The following ICA1L variants were observed in gnomAD, a reference collection of about 807,000 sequenced individuals.
The protein encoded by ICA1L is islet cell autoantigen 1-like protein.
A neutral mutation model predicts 61.3 loss-of-function variants in ICA1L; 50 were observed. The observed-to-expected ratio is 0.82, with a 90% CI of 0.65 to 1.03. The LOEUF is 1.03. ICA1L is among the 50% of genes least tolerant of loss of function. ICA1L has a pLI of 0.00. For missense variants in ICA1L, 508 were observed against 556.7 expected, an observed-to-expected ratio of 0.91 and a Z score of 0.88; for synonymous variants, 161 against 191.3, an observed-to-expected ratio of 0.84 and a Z score of 1.31.
chr2:202,786,131 G>A, intron 11 of ICA1L, 124 bp from the exon 12 acceptor site: 1 of 537,948 alleles, frequency 1.9e-6, no homozygotes, highest in Non-Finnish European at 3.3e-6. Context: ...TCTATAAGAG[G>A]TATAAAATAC....
chr2:202,862,708 G>A (rs1694955049), intron 1 of ICA1L, among the ~76,000 whole-genome samples: 1 of 151,462 alleles, frequency 6.6e-6, no homozygotes, highest in Non-Finnish European at 1.5e-5. Context: ...ATGGTGGCAG[G>A]TGCCTGTAAT....
At chr2:202,862,169 T>C (rs1160816919) in intron 1 of ICA1L, among the ~76,000 whole-genome samples, 1 of 149,086 alleles carries the variant, frequency 6.7e-6, no homozygotes, top group African/African-American at 2.5e-5. Flanking sequence ...CCAGGTGTTG[T>C]AGCTCCCATT....
chr2:202,799,118 AT>A (rs1489561165), intron 9 of ICA1L, among the ~76,000 whole-genome samples: 7 of 152,088 alleles, frequency 4.6e-5, no homozygotes, highest in African/African-American at 1.7e-4. Flanking sequence ...ATATTAATTT[AT>A]TTTTCTTTGG....
chr2:202,828,697 GCT>G, intron 2 of ICA1L, 149 bp downstream of exon 2: 4 of 679,870 alleles, frequency 5.9e-6, no homozygotes, highest in Non-Finnish European at 9.7e-6. Flanking sequence ...CCTATTCAGA[GCT>G]CTGATTGACA....
intron 9 of ICA1L, among the ~76,000 whole-genome samples, chr2:202,805,914 G>A (rs560005981): frequency 5.3e-4 from 80 of 152,296 alleles, no homozygotes; most frequent in African/African-American, 1.8e-3. Flanking sequence ...AGGATCATAC[G>A]CAAATGTAAT....
rs1421098182 is a variant in ICA1L at position 202,775,019 on chromosome 2, T to C, written c.*4514A>G. 16 of 152,258 alleles carry C rather than the reference T, an allele frequency of 1.1e-4. No individual in the cohort carries two copies. Among genetic ancestry groups the C allele is most frequent in the Admixed American group, 9.8e-4 (15 of 15,294 alleles). The allele number at this position is 152,258 out of a possible 1,614,324, so 9.4% of individuals were successfully genotyped here. ...ATGCCAAGGACAGTTTGTTTTGAACTCTTTAGTAGTCTTTTAAATGGTACA... is the reference window on the plus strand; with the variant it reads ...ATGCCAAGGACAGTTTGTTTTGAACCCTTTAGTAGTCTTTTAAATGGTACA... On this transcript the variant is annotated 3_prime_UTR_variant, in exon 13 of 13. Coordinates refer to ENST00000358299, the MANE Select transcript of ICA1L (RefSeq NM_001288622.3).
intron 12 of ICA1L, among the ~76,000 whole-genome samples, chr2:202,781,412 TAAA>T (rs1207188554): frequency 2.8e-5 from 4 of 143,864 alleles, no homozygotes; most frequent in Non-Finnish European, 4.6e-5. Context: ...TGTCTCTACT[TAAA>T]AAAAAAAAAT....
At chr2:202,841,207 C>A in intron 1 of ICA1L, 1 of 696,208 alleles carries the variant, frequency 1.4e-6, no homozygotes, top group Non-Finnish European at 2.7e-6. Flanking sequence ...AGGACAAATT[C>A]ATTCTCCATC....
intron 1 of ICA1L, among the ~76,000 whole-genome samples, chr2:202,854,359 G>A (rs944855712): frequency 6.6e-6 from 1 of 152,104 alleles, no homozygotes; most frequent in African/African-American, 2.4e-5. Context: ...AAATATATAT[G>A]CACCCAATAC....
chr2:202,836,679 C>T (rs2105867144), intron 1 of ICA1L, among the ~76,000 whole-genome samples: 1 of 151,954 alleles, frequency 6.6e-6, no homozygotes, highest in South Asian at 2.1e-4. Flanking sequence ...TCTCCTTACT[C>T]ATTATTGGTC....
rs1206380755 is a variant in ICA1L, at chr2:202,840,670, C to A, written c.-7-11654G>T. 26 of 592,934 alleles carry A rather than the reference C, an allele frequency of 4.4e-5. No individual in the cohort carries two copies. The Admixed American group carries it at 4.5e-4, about 10-fold the overall frequency. 36.7% of individuals were successfully genotyped at this position (592,934 alleles called of 1,614,324 possible). A position where few individuals can be genotyped will look rare whatever the true frequency, so the allele number is the denominator to read the frequency against. On this transcript the variant is annotated intron_variant, in intron 1 of 12. Transcript: ENST00000358299. ...TGTTCGTCAGTTCCTGGTACTCATG[C>A]AGCTGCTACGCCATGTCCTGCTTGG...
At chr2:202,793,508 A>T (rs1403960774) in intron 10 of ICA1L, among the ~76,000 whole-genome samples, 3 of 146,674 alleles carry the variant, frequency 2.0e-5, no homozygotes, top group Non-Finnish European at 4.5e-5. Flanking sequence ...AAAAAAAAAA[A>T]AAAAAAAAAA....
intron 1 of ICA1L, among the ~76,000 whole-genome samples, chr2:202,851,755 T>C (rs1421774726): frequency 1.3e-5 from 2 of 152,250 alleles, no homozygotes; most frequent in Non-Finnish European, 2.9e-5. Flanking sequence ...ATTTCTCTGA[T>C]GGCCAGTGAT....
chr2:202,821,666 C>T, intron 3 of ICA1L, 185 bp from the exon 4 acceptor site: 1 of 394,348 alleles, frequency 2.5e-6, no homozygotes, highest in South Asian at 3.6e-5. Context: ...TTCCATAGGT[C>T]TAGGGAATCT....
At chr2:202,795,595 CA>C (rs892253456) in intron 10 of ICA1L, among the ~76,000 whole-genome samples, 1 of 143,798 alleles carries the variant, frequency 7.0e-6, no homozygotes. Flanking sequence ...AACTCCATCT[CA>C]AAAAAAAAGA....
intron 1 of ICA1L, among the ~76,000 whole-genome samples, chr2:202,842,667 T>C (rs999594440): frequency 6.6e-6 from 1 of 152,230 alleles, no homozygotes. Flanking sequence ...TTTGACCTTC[T>C]CATACCTGGA....
rs888643731 is a variant in ICA1L, at chr2:202,779,435, T to G, written c.*98A>C. 5.9e-6 allele frequency: 4 copies of G among 674,402 alleles called. No homozygotes were observed. Among genetic ancestry groups the G allele is most frequent in the Non-Finnish European group, 1.0e-5 (4 of 396,594 alleles). 41.8% of individuals were successfully genotyped at this position (674,402 alleles called of 1,614,324 possible). A position where few individuals can be genotyped will look rare whatever the true frequency, so the allele number is the denominator to read the frequency against. On this transcript the variant is annotated 3_prime_UTR_variant, in exon 13 of 13. Transcript: ENST00000358299. ...ACAGGTGTTATATTCACAAACACCG[T>G]GCTTTTGTGTGCGGGTTACAATCTA...
chr2:202,866,256 T>C (rs1687508943), intron 1 of ICA1L, among the ~76,000 whole-genome samples: 1 of 152,136 alleles, frequency 6.6e-6, no homozygotes, highest in Non-Finnish European at 1.5e-5. Flanking sequence ...ACTCTCTAAG[T>C]TCATGTGAGA....
chr2:202,847,878 C>T (rs936697659), intron 1 of ICA1L, among the ~76,000 whole-genome samples: 3 of 151,888 alleles, frequency 2.0e-5, no homozygotes, highest in African/African-American at 7.3e-5. Context: ...GATACATATA[C>T]ACCATGGAAT....
Sources: gnomAD v4.1 joint callset for allele counts (sites outside exome capture counted in the v4.1 genomes callset) on GRCh38, gnomAD v4.1.1 for gene constraint, MANE v1.5 for transcripts, NCBI Gene and HGNC (gene_info 2026-07-23, HGNC 2026-07-21) for gene names.